Variants in TBCA observed in about 807,000 individuals in gnomAD.
TBCA encodes the protein tubulin-specific chaperone A.
In TBCA, 6 loss-of-function variants were observed where a neutral mutation model predicts 15.8. That is an observed-to-expected ratio of 0.38 (90% CI 0.21 to 0.75). The LOEUF is 0.75. Ranked by LOEUF, TBCA falls within the 30% of genes least tolerant of loss-of-function variation. The pLI, the probability that TBCA is intolerant of heterozygous loss-of-function variation, is 0.46. For missense variants in TBCA, 90 were observed against 131.2 expected (o/e 0.69, Z 1.53); for synonymous variants, 32 against 42.3 (o/e 0.76, Z 0.94).
chr5:77,768,870 T>C (rs1747841983), intron 1 of TBCA, among the ~76,000 whole-genome samples: 1 of 152,236 alleles, frequency 6.6e-6, no homozygotes, highest in Admixed American at 6.5e-5. Context: ...TTAAGAGTTT[T>C]AGACTGCCAT....
chr5:77,693,995 A>AATG (rs1745817644), intron 2 of TBCA, among the ~76,000 whole-genome samples: 1 of 152,182 alleles, frequency 6.6e-6, no homozygotes, highest in Non-Finnish European at 1.5e-5. Flanking sequence ...GCTGTTGCAA[A>AATG]GCACCTTTAT....
At chr5:77,692,775 T>A in intron 3 of TBCA, 1 of 1,015,186 alleles carries the variant, frequency 9.9e-7, no homozygotes, top group South Asian at 4.0e-5. Flanking sequence ...GTATAAGTGT[T>A]ATTCAGCTCC....
At chr5:77,691,609 A>G in intron 3 of TBCA, 111 bp from the exon 4 acceptor site, 2 of 1,428,650 alleles carry the variant, frequency 1.4e-6, no homozygotes, top group Non-Finnish European at 1.8e-6. Context: ...ATTAAAAGTA[A>G]AAAATCCCAA....
intron 1 of TBCA, among the ~76,000 whole-genome samples, chr5:77,755,316 C>A (rs1387195961): frequency 6.6e-6 from 1 of 152,208 alleles, no homozygotes; most frequent in Admixed American, 6.5e-5. Flanking sequence ...CGGTGGCTCA[C>A]ACCTGTAATC....
intron 1 of TBCA, among the ~76,000 whole-genome samples, chr5:77,734,965 T>C (rs560915494): frequency 7.2e-5 from 11 of 152,240 alleles, no homozygotes; most frequent in Non-Finnish European, 1.2e-4. Flanking sequence ...TTAGGTATTT[T>C]TCTAACAATA....
intron 1 of TBCA, chr5:77,715,192 T>C (rs1746370078): frequency 1.4e-6 from 1 of 693,598 alleles, no homozygotes; most frequent in Admixed American, 2.1e-5. Context: ...TTTAGTTACA[T>C]AAAAATGTAA....
intron 1 of TBCA, among the ~76,000 whole-genome samples, chr5:77,733,865 T>C (rs1746833913): frequency 6.6e-6 from 1 of 152,206 alleles, no homozygotes; most frequent in East Asian, 1.9e-4. Flanking sequence ...AAATCACTGC[T>C]TAGGCTTAAA....
chr5:77,775,359 C>T (rs1006765622), intron 1 of TBCA, among the ~76,000 whole-genome samples: 21 of 152,294 alleles, frequency 1.4e-4, no homozygotes, highest in African/African-American at 5.1e-4. Context: ...TGGATGCCCC[C>T]CAACCTTCTA....
At chr5:77,737,726 C>T (rs951929501) in intron 1 of TBCA, among the ~76,000 whole-genome samples, 2 of 152,060 alleles carry the variant, frequency 1.3e-5, no homozygotes, top group South Asian at 2.1e-4. Flanking sequence ...ATAATTTTTT[C>T]CACTTATTTA....
intron 2 of TBCA, among the ~76,000 whole-genome samples, chr5:77,697,760 G>A (rs1357611945): frequency 2.0e-5 from 3 of 152,026 alleles, no homozygotes; most frequent in African/African-American, 7.2e-5. Context: ...AAAACAAGCA[G>A]AAGGAAATAA....
chr5:77,761,697 C>CTTT (rs79222866), intron 1 of TBCA, among the ~76,000 whole-genome samples: 1 of 142,488 alleles, frequency 7.0e-6, no homozygotes, highest in African/African-American at 2.6e-5. Context: ...AATTTAATCA[C>CTTT]TTTTTTTTTT....
At chr5:77,715,106 CAT>C (rs1201251154) in intron 1 of TBCA, 2 of 614,444 alleles carry the variant, frequency 3.3e-6, no homozygotes, top group African/African-American at 3.7e-5. Context: ...GAAGAGGACA[CAT>C]GAGTTAAGAT....
chr5:77,745,070 G>A (rs1215180894), intron 1 of TBCA, among the ~76,000 whole-genome samples: 1 of 152,144 alleles, frequency 6.6e-6, no homozygotes, highest in African/African-American at 2.4e-5. Flanking sequence ...TACACATGAA[G>A]CGCTTAGCTA....
chr5:77,697,486 T>G (rs780832126), intron 2 of TBCA, among the ~76,000 whole-genome samples: 8 of 151,014 alleles, frequency 5.3e-5, no homozygotes, highest in Middle Eastern at 3.2e-3. Context: ...AGAAGGAAAA[T>G]CCCTACTTAG....
chr5:77,715,190 C>A (rs1746370025), intron 1 of TBCA: 1 of 692,978 alleles, frequency 1.4e-6, no homozygotes, highest in African/African-American at 1.8e-5. Context: ...TTTTTAGTTA[C>A]ATAAAAATGT....
intron 1 of TBCA, among the ~76,000 whole-genome samples, chr5:77,745,863 C>G (rs143923849): frequency 6.6e-6 from 1 of 152,252 alleles, no homozygotes; most frequent in African/African-American, 2.4e-5. Flanking sequence ...AATTGTTGAA[C>G]TCTGTTTATT....
intron 1 of TBCA, among the ~76,000 whole-genome samples, chr5:77,710,514 CACAATGTTAAA>C (rs1184148220): frequency 6.6e-6 from 1 of 152,094 alleles, no homozygotes; most frequent in African/African-American, 2.4e-5. Flanking sequence ...TTATTTGACT[CACAATGTTAAA>C]AACAAAGAAT....
intron 1 of TBCA, among the ~76,000 whole-genome samples, chr5:77,763,190 G>C (rs946644942): frequency 6.6e-6 from 1 of 152,130 alleles, no homozygotes; most frequent in African/African-American, 2.4e-5. Context: ...CTTGCAGTGA[G>C]TCGAGATTGC....
chr5:77,699,855 C>T (rs991623485), intron 2 of TBCA, among the ~76,000 whole-genome samples: 27 of 151,702 alleles, frequency 1.8e-4, no homozygotes, highest in African/African-American at 6.3e-4. Flanking sequence ...CTGACCAACA[C>T]GGTGAAACCT....
Sources: gnomAD v4.1 joint callset for allele counts (sites outside exome capture counted in the v4.1 genomes callset) on GRCh38, gnomAD v4.1.1 for gene constraint, MANE v1.5 for transcripts, NCBI Gene and HGNC (gene_info 2026-07-23, HGNC 2026-07-21) for gene names.